TMEM117: variants seen among roughly 807,000 people sequenced by gnomAD.
The protein encoded by TMEM117 is transmembrane protein 117.
In TMEM117, 27 loss-of-function variants were observed where a neutral mutation model predicts 52.4. The observed-to-expected ratio is 0.51, with a 90% CI of 0.38 to 0.71. TMEM117 has a LOEUF of 0.71. Among genes scored for constraint, TMEM117 ranks in the 30% least tolerant of loss-of-function variants. TMEM117 has a pLI of 0.00. For synonymous variants in TMEM117, 215 were observed against 206.3 expected (o/e 1.04, Z -0.36); for missense variants, 556 against 630.5 (o/e 0.88, Z 1.26).
intron 5 of TMEM117, among the ~76,000 whole-genome samples, chr12:44,289,225 T>TTG (rs59507806): frequency 0.027 from 4,007 of 146,020 alleles, 48 homozygotes; most frequent in African/African-American, 0.036. Flanking sequence ...CTATCCCATT[T>TTG]TGTGTGTGTG....
At chr12:44,345,207 A>T (rs1951469296) in intron 6 of TMEM117, among the ~76,000 whole-genome samples, 1 of 152,068 alleles carries the variant, frequency 6.6e-6, no homozygotes, top group African/African-American at 2.4e-5. Flanking sequence ...TCACTGTCAG[A>T]AGGACTGTTG....
At chr12:44,124,210 T>G (rs1256945823) in intron 3 of TMEM117, among the ~76,000 whole-genome samples, 3 of 152,160 alleles carry the variant, frequency 2.0e-5, no homozygotes, top group East Asian at 3.9e-4. Context: ...CACTACCATG[T>G]TGGTGGTGTA....
rs957995910 is a variant in TMEM117 at position 44,369,343 on chromosome 12, C to T, written c.769-7252C>T. 4.6e-5 allele frequency among the ~76,000 whole-genome samples: 7 copies of T among 152,220 alleles called. No homozygotes were observed. The South Asian group carries it at 1.2e-3, about 27-fold the overall frequency. ...TGTAATGAAGTTTGTTTTAAAAACCCGCTGCTATCTTGCCAAAGCCTCAAG... is the reference window on the plus strand; with the variant it reads ...TGTAATGAAGTTTGTTTTAAAAACCTGCTGCTATCTTGCCAAAGCCTCAAG... On this transcript the variant is annotated intron_variant, in intron 6 of 7. Coordinates refer to ENST00000266534, the MANE Select transcript of TMEM117 (RefSeq NM_032256.3).
chr12:44,295,913 C>T (rs754672281), intron 5 of TMEM117, among the ~76,000 whole-genome samples: 90 of 152,134 alleles, frequency 5.9e-4, no homozygotes, highest in Non-Finnish European at 1.1e-3. Context: ...GTCTGTGTAG[C>T]TTTGCCTTTG....
At chr12:44,382,333 A>T (rs987765324) in intron 7 of TMEM117, among the ~76,000 whole-genome samples, 2 of 152,198 alleles carry the variant, frequency 1.3e-5, no homozygotes, top group African/African-American at 4.8e-5. Context: ...TCCTTGAAAC[A>T]TGAACATTTT....
chr12:44,251,419 G>A (rs1373292801), intron 5 of TMEM117, among the ~76,000 whole-genome samples: 1 of 152,102 alleles, frequency 6.6e-6, no homozygotes, highest in African/African-American at 2.4e-5. Flanking sequence ...CCATCGGTTG[G>A]ATGCTTTTTT....
At chr12:44,019,329 C>G (rs1234710669) in intron 3 of TMEM117, among the ~76,000 whole-genome samples, 1 of 151,982 alleles carries the variant, frequency 6.6e-6, no homozygotes, top group Non-Finnish European at 1.5e-5. Context: ...TCAATTCTCA[C>G]TCCCCAGGAG....
intron 2 of TMEM117, among the ~76,000 whole-genome samples, chr12:43,916,814 A>G (rs1045765771): frequency 3.3e-5 from 5 of 152,150 alleles, no homozygotes; most frequent in Admixed American, 3.3e-4. Flanking sequence ...AGCCAGGTAG[A>G]TATATCTGAT....
intron 5 of TMEM117, among the ~76,000 whole-genome samples, chr12:44,296,133 T>C (rs1592673666): frequency 6.6e-6 from 1 of 152,156 alleles, no homozygotes; most frequent in Non-Finnish European, 1.5e-5. Flanking sequence ...CAGATTGGAC[T>C]TTGGGCAGTA....
rs577614408 is a variant in TMEM117 at position 43,949,477 on chromosome 12, G to T, written c.410+5135G>T. ...ACTCATTCAAGGCATTTTTCCCTTAGCAGTCAAGTGTTCCCAGAGGAAGGT... is the reference window on the plus strand; with the variant it reads ...ACTCATTCAAGGCATTTTTCCCTTATCAGTCAAGTGTTCCCAGAGGAAGGT... On this transcript the variant is annotated intron_variant, in intron 3 of 7. Coordinates refer to ENST00000266534, the MANE Select transcript of TMEM117 (RefSeq NM_032256.3). Among the ~76,000 whole-genome samples, 13 of 152,240 alleles carry T rather than the reference G, an allele frequency of 8.5e-5. No homozygotes were observed. In the South Asian group the frequency reaches 2.7e-3, roughly 32 times the overall value.
intron 4 of TMEM117, among the ~76,000 whole-genome samples, chr12:44,167,043 A>T (rs935654873): frequency 6.6e-6 from 1 of 152,198 alleles, no homozygotes; most frequent in Non-Finnish European, 1.5e-5. Flanking sequence ...TGGGATTATT[A>T]CATCTTTTTT....
chr12:43,835,220 A>G (rs1943008386), upstream of TMEM117, among the ~76,000 whole-genome samples: 1 of 152,212 alleles, frequency 6.6e-6, no homozygotes. Context: ...AGGAGGTTAC[A>G]TTCAGGAAGA....
chr12:43,808,812 G>GAA, the TMEM117 span, among the ~76,000 whole-genome samples: 39 of 80,618 alleles, frequency 4.8e-4, no homozygotes, highest in Middle Eastern at 0.014. Flanking sequence ...TCAAAGGGGA[G>GAA]AAAAAAAAAA....
intron 3 of TMEM117, among the ~76,000 whole-genome samples, chr12:44,084,406 A>G (rs1276047303): frequency 1.3e-5 from 2 of 152,174 alleles, no homozygotes; most frequent in Admixed American, 6.5e-5. Flanking sequence ...GCCATTATCA[A>G]TATAACATAC....
chr12:44,398,145 A>AT, the TMEM117 span, among the ~76,000 whole-genome samples: 5 of 150,552 alleles, frequency 3.3e-5, no homozygotes, highest in East Asian at 9.8e-4. Context: ...AATATGTATC[A>AT]TCATCCAAGC....
chr12:44,140,447 C>T (rs1356730552), intron 3 of TMEM117, among the ~76,000 whole-genome samples: 1 of 152,030 alleles, frequency 6.6e-6, no homozygotes, highest in Non-Finnish European at 1.5e-5. Context: ...TATTAATTCT[C>T]CACTGGAGAA....
In TMEM117 at chr12:44,006,765, T is replaced by C. The variant is rs527620353; in HGVS notation, c.410+62423T>C. 3.9e-5 allele frequency among the ~76,000 whole-genome samples: 6 copies of C among 152,318 alleles called. No homozygotes were observed. In the South Asian group the frequency reaches 1.2e-3, roughly 32 times the overall value. On this transcript the variant is annotated intron_variant, in intron 3 of 7. Coordinates refer to ENST00000266534, the MANE Select transcript of TMEM117 (RefSeq NM_032256.3). ...TTCATTTTTTTTTGTTTATAAAATA[T>C]TCACTATGTGTAAGTCTTGTGCTAA...
intron 2 of TMEM117, among the ~76,000 whole-genome samples, chr12:43,853,861 G>A (rs574809939): frequency 3.3e-5 from 5 of 152,298 alleles, no homozygotes; most frequent in South Asian, 4.1e-4. Context: ...AGTCTCAAGC[G>A]TGAGTGGGAT....
At chr12:43,848,091 G>A (rs186619688) in intron 2 of TMEM117, among the ~76,000 whole-genome samples, 1 of 152,246 alleles carries the variant, frequency 6.6e-6, no homozygotes, top group African/African-American at 2.4e-5. Context: ...ACTGATAAGG[G>A]TCTAACAAAG....
Sources: allele counts gnomAD v4.1 joint callset (sites outside exome capture counted in the v4.1 genomes callset), GRCh38; gene constraint gnomAD v4.1.1; transcripts MANE v1.5; gene names NCBI Gene and HGNC (gene_info 2026-07-23, HGNC 2026-07-21).